The following DLGAP5 variants were observed in gnomAD, a reference collection of about 807,000 sequenced individuals.
The protein encoded by DLGAP5 is disks large-associated protein 5.
A neutral mutation model predicts 99.6 loss-of-function variants in DLGAP5; 90 were observed. The ratio of observed to expected loss-of-function variants is 0.90; its 90% CI spans 0.76 to 1.08. DLGAP5 has a LOEUF of 1.08. DLGAP5 is among the 50% of genes least tolerant of loss of function. DLGAP5 has a pLI of 0.00. For missense variants in DLGAP5, 1,036 were observed against 983.5 expected, an observed-to-expected ratio of 1.05 and a Z score of -0.71; for synonymous variants, 311 against 321.3, an observed-to-expected ratio of 0.97 and a Z score of 0.34.
chr14:55,177,728 G>C (rs925279170), intron 7 of DLGAP5, among the ~76,000 whole-genome samples: 19 of 151,274 alleles, frequency 1.3e-4, no homozygotes, highest in Non-Finnish European at 2.7e-4. Context: ...TAGTGGAGAC[G>C]GGGTTTCGCT....
intron 17 of DLGAP5, 30 bp downstream of exon 17, chr14:55,151,665 G>T (rs534658186): frequency 1.0e-5 from 16 of 1,589,192 alleles, no homozygotes; most frequent in Admixed American, 3.6e-5. Context: ...TTTAATAAAG[G>T]CTCGTTTAAA....
chr14:55,153,139 T>G (rs1882075079), intron 15 of DLGAP5, among the ~76,000 whole-genome samples: 2 of 152,174 alleles, frequency 1.3e-5, no homozygotes. Flanking sequence ...ACAATGTTCT[T>G]AAGTCTGCTG....
At chr14:55,169,689 T>G in intron 11 of DLGAP5, 130 bp from the exon 12 acceptor site, 1 of 691,818 alleles carries the variant, frequency 1.4e-6, no homozygotes, top group Non-Finnish European at 2.3e-6. Flanking sequence ...AAAAAATATC[T>G]ACCACAAAAC....
At chr14:55,152,527 T>C (rs1237208076) in intron 16 of DLGAP5, 63 bp downstream of exon 16, 3 of 1,291,274 alleles carry the variant, frequency 2.3e-6, no homozygotes, top group East Asian at 2.5e-5. Flanking sequence ...ACAAAGTTAC[T>C]TTCTATAATG....
intron 17 of DLGAP5, 120 bp from the exon 18 acceptor site, chr14:55,150,968 T>C (rs1052107631): frequency 1.8e-5 from 11 of 621,958 alleles, no homozygotes; most frequent in Admixed American, 1.4e-4. Context: ...GACAAAAATA[T>C]AGACCCCTAT....
intron 8 of DLGAP5, among the ~76,000 whole-genome samples, 196 bp downstream of exon 8, chr14:55,176,866 T>C (rs1408277336): frequency 6.7e-6 from 1 of 148,366 alleles, no homozygotes; most frequent in East Asian, 2.0e-4. Context: ...TAGTCCCAGC[T>C]ACTTGAGAGG....
At chr14:55,178,335 CTTAAG>C (rs1883154615) in intron 7 of DLGAP5, among the ~76,000 whole-genome samples, 1 of 152,158 alleles carries the variant, frequency 6.6e-6, no homozygotes, top group Admixed American at 6.5e-5. Context: ...GGACCAAATT[CTTAAG>C]TTAAATAACC....
intron 10 of DLGAP5, 69 bp downstream of exon 10, chr14:55,175,276 AT>A (rs1566504057): frequency 6.8e-7 from 1 of 1,468,520 alleles, no homozygotes; most frequent in East Asian, 2.4e-5. Flanking sequence ...AAGGTTAAAA[AT>A]TTTTAGTTTT....
chr14:55,177,942 CT>C (rs1429562334), intron 7 of DLGAP5, among the ~76,000 whole-genome samples: 2 of 151,818 alleles, frequency 1.3e-5, no homozygotes, highest in African/African-American at 4.8e-5. Flanking sequence ...AAATACGTAT[CT>C]TTTTACTTAA....
At chr14:55,187,287 A>T (rs1377989529) in intron 2 of DLGAP5, among the ~76,000 whole-genome samples, 1 of 147,320 alleles carries the variant, frequency 6.8e-6, no homozygotes, top group East Asian at 2.0e-4. Context: ...CCACCCTATA[A>T]TCTATTCTCA....
At chr14:55,177,002 A>C (rs1422229212) in intron 8 of DLGAP5, 60 bp downstream of exon 8, 7 of 1,091,714 alleles carry the variant, frequency 6.4e-6, no homozygotes, top group Non-Finnish European at 7.1e-6. Flanking sequence ...AAAAAAAAAA[A>C]AAGAAAGGCA....
At chr14:55,186,461 G>A (rs1444204876) in intron 2 of DLGAP5, among the ~76,000 whole-genome samples, 8 of 152,084 alleles carry the variant, frequency 5.3e-5, no homozygotes, top group East Asian at 1.9e-4. Context: ...AGAGCAACAC[G>A]TTTTATTTGA....
chr14:55,150,601 C>T (rs1367365417), intron 18 of DLGAP5, 198 bp downstream of exon 18: 3 of 363,208 alleles, frequency 8.3e-6, no homozygotes, highest in African/African-American at 6.4e-5. Context: ...AACATATCTT[C>T]AGGGTTAATA....
intron 10 of DLGAP5, among the ~76,000 whole-genome samples, chr14:55,173,848 A>C (rs1027533965): frequency 1.6e-4 from 21 of 129,818 alleles, no homozygotes; most frequent in African/African-American, 2.5e-4. Flanking sequence ...GTCTTTACTT[A>C]CTTTAATCTC....
intron 15 of DLGAP5, among the ~76,000 whole-genome samples, chr14:55,153,917 G>A (rs1242813310): frequency 4.6e-5 from 7 of 152,010 alleles, no homozygotes; most frequent in East Asian, 1.9e-4. Context: ...TTAGCTGGGC[G>A]TGGTGGCGCG....
At chr14:55,162,274 G>C (rs1011476505) in intron 13 of DLGAP5, among the ~76,000 whole-genome samples, 1 of 152,112 alleles carries the variant, frequency 6.6e-6, no homozygotes, top group Admixed American at 6.6e-5. Context: ...CATTATATAA[G>C]TTACCTACTA....
Position 55,154,767 on chromosome 14 carries a change from C to CCAA in DLGAP5, c.1910_1912dup (p.Leu637_Gly638insVal), listed in dbSNP as rs745603650. The CCAA allele has an allele frequency of 6.2e-7, 1 of 1,614,000 alleles. No homozygotes were observed. Among genetic ancestry groups the CCAA allele is most frequent in the East Asian group, 2.2e-5 (1 of 44,854 alleles). On this transcript the variant is annotated inframe_insertion, in exon 15 of 19. Transcript: ENST00000247191. ...AGCTTTGTTGACAGACTTAGGTGTT[C>CCAA]CAAGTCTTTGAGAAGGGCCTTCAGA... is the stretch of plus-strand genomic sequence containing the variant.
chr14:55,155,024 A>AT (rs1882158557), intron 14 of DLGAP5, among the ~76,000 whole-genome samples: 1 of 151,970 alleles, frequency 6.6e-6, no homozygotes, highest in African/African-American at 2.4e-5. Flanking sequence ...AACAGAGATA[A>AT]TTTTTTTGTT....
intron 2 of DLGAP5, among the ~76,000 whole-genome samples, chr14:55,184,695 G>A (rs1390465372): frequency 6.6e-6 from 1 of 152,210 alleles, no homozygotes; most frequent in Non-Finnish European, 1.5e-5. Context: ...GACTCAAGCA[G>A]TCCTATGGAG....
Sources: allele counts gnomAD v4.1 joint callset (sites outside exome capture counted in the v4.1 genomes callset), GRCh38; gene constraint gnomAD v4.1.1; transcripts MANE v1.5; gene names NCBI Gene and HGNC (gene_info 2026-07-23, HGNC 2026-07-21).